The following MRPS21 variants were observed in gnomAD, a reference collection of about 807,000 sequenced individuals.
MRPS21 encodes small ribosomal subunit protein bS21m.
A neutral mutation model predicts 9.9 loss-of-function variants in MRPS21; 8 were observed. The ratio of observed to expected loss-of-function variants is 0.81; its 90% CI spans 0.47 to 1.45. MRPS21 has a LOEUF of 1.45. Among genes scored for constraint, MRPS21 ranks in the 40% most tolerant of loss-of-function variants. The pLI, the probability that MRPS21 is intolerant of heterozygous loss-of-function variation, is 0.00. For synonymous variants in MRPS21, 40 were observed against 40.3 expected, an observed-to-expected ratio of 0.99 and a Z score of 0.03; for missense variants, 101 against 118.9, an observed-to-expected ratio of 0.85 and a Z score of 0.70.
rs587699640 is a variant in MRPS21 at position 150,299,579 on chromosome 1, C to A, written c.83+5130C>A. ...AAGTGATTCTCCTGCCTCAGCCCCCCGTGTAGCTGGGATTACAGGCACTTG... is the reference window on the plus strand; with the variant it reads ...AAGTGATTCTCCTGCCTCAGCCCCCAGTGTAGCTGGGATTACAGGCACTTG... On this transcript the variant is annotated intron_variant, in intron 2 of 2. Coordinates refer to ENST00000614145, the MANE Select transcript of MRPS21 (RefSeq NM_031901.6). Among the ~76,000 whole-genome samples the A allele has an allele frequency of 1.1e-3, 163 of 152,214 alleles. 9 individuals are homozygous for A. The South Asian group carries it at 0.034, about 31-fold the overall frequency.
chr1:150,305,560 TA>T (rs1314500205), intron 2 of MRPS21, among the ~76,000 whole-genome samples: 3 of 152,106 alleles, frequency 2.0e-5, no homozygotes, highest in African/African-American at 7.2e-5. Flanking sequence ...TGCATATACT[TA>T]AGTGTGACTA....
intron 1 of MRPS21, 185 bp downstream of exon 1, chr1:150,294,083 C>T (rs1233637047): frequency 1.4e-5 from 5 of 369,888 alleles, no homozygotes; most frequent in African/African-American, 1.0e-4. Context: ...GTGTCCTTCT[C>T]ATGCCCGGCG....
intron 2 of MRPS21, among the ~76,000 whole-genome samples, chr1:150,305,814 C>T (rs1451434662): frequency 6.6e-6 from 1 of 151,914 alleles, no homozygotes; most frequent in Non-Finnish European, 1.5e-5. Flanking sequence ...AGGCTTGTCT[C>T]GAACTCCTGA....
At chr1:150,295,288 G>A (rs587735381) in intron 2 of MRPS21, among the ~76,000 whole-genome samples, 1 of 152,086 alleles carries the variant, frequency 6.6e-6, no homozygotes, top group African/African-American at 2.4e-5. Context: ...AAGCCACAGC[G>A]CCCGGCCCCG....
At chr1:150,303,367 A>G (rs936509062) in intron 2 of MRPS21, among the ~76,000 whole-genome samples, 3 of 152,174 alleles carry the variant, frequency 2.0e-5, no homozygotes, top group African/African-American at 7.2e-5. Context: ...AGCAACCTTC[A>G]TTAGACAGTA....
At chr1:150,306,557 G>A (rs1422773467) in intron 2 of MRPS21, among the ~76,000 whole-genome samples, 3 of 152,070 alleles carry the variant, frequency 2.0e-5, no homozygotes, top group South Asian at 2.1e-4. Flanking sequence ...GTGCAGTGGC[G>A]CAACCTTGGC....
intron 2 of MRPS21, chr1:150,303,810 T>A (rs1654226737): frequency 6.8e-6 from 3 of 439,156 alleles, no homozygotes; most frequent in East Asian, 1.4e-4. Context: ...ATATCCCCAA[T>A]AACTGTATAT....
intron 2 of MRPS21, chr1:150,305,100 G>T: frequency 3.7e-6 from 1 of 269,212 alleles, no homozygotes; most frequent in Non-Finnish European, 7.4e-6. Context: ...CACAATCATG[G>T]CTCACTGCAG....
Position 150,308,308 on chromosome 1 carries a change from T to G in MRPS21, c.*80T>G. 1 of 1,403,946 alleles carries G rather than the reference T, an allele frequency of 7.1e-7. No individual in the cohort carries two copies. The highest frequency in any genetic ancestry group is 9.7e-7 in the Non-Finnish European group (1 of 1,035,170). 87.0% of individuals were successfully genotyped at this position (1,403,946 alleles called of 1,614,324 possible). A position where few individuals can be genotyped will look rare whatever the true frequency, so the allele number is the denominator to read the frequency against. ...CTTTTCTTTGTACAATCCCATTTCC[T>G]ATTACCATTCTCTGCAATAAACTCA... On this transcript the variant is annotated 3_prime_UTR_variant, in exon 3 of 3. Transcript: ENST00000614145.
intron 2 of MRPS21, among the ~76,000 whole-genome samples, chr1:150,302,543 C>T (rs1654181612): frequency 6.6e-6 from 1 of 152,150 alleles, no homozygotes. Context: ...GCCACCCGCA[C>T]CTCCCCCCGC....
At chr1:150,302,254 C>T (rs782734899) in intron 2 of MRPS21, among the ~76,000 whole-genome samples, 1 of 152,120 alleles carries the variant, frequency 6.6e-6, no homozygotes, top group African/African-American at 2.4e-5. Flanking sequence ...GAGAGTCTTA[C>T]AAAGGAAATA....
chr1:150,296,825 G>A (rs1187834795), intron 2 of MRPS21, among the ~76,000 whole-genome samples: 1 of 152,020 alleles, frequency 6.6e-6, no homozygotes, highest in Non-Finnish European at 1.5e-5. Flanking sequence ...TCCTTGTCTT[G>A]TCATTTCAGC....
chr1:150,305,010 G>T (rs1050413694), intron 2 of MRPS21: 1 of 401,074 alleles, frequency 2.5e-6, no homozygotes, highest in Non-Finnish European at 4.9e-6. Context: ...TTGCACTCCA[G>T]CCTGGGCAAC....
intron 2 of MRPS21, among the ~76,000 whole-genome samples, chr1:150,307,348 C>CTTTTTTTTTTTTTT (rs1572154026): frequency 4.6e-5 from 4 of 87,552 alleles, no homozygotes; most frequent in African/African-American, 1.3e-4. Context: ...GTGCCCAGTC[C>CTTTTTTTTTTTTTT]TTTTTTTTTT....
chr1:150,301,795 T>G (rs980749255), intron 2 of MRPS21, among the ~76,000 whole-genome samples: 7 of 151,960 alleles, frequency 4.6e-5, no homozygotes, highest in Non-Finnish European at 8.8e-5. Flanking sequence ...GAGACGGGGT[T>G]TCACGATGTT....
chr1:150,296,207 C>G (rs1446818481), intron 2 of MRPS21, among the ~76,000 whole-genome samples: 1 of 152,194 alleles, frequency 6.6e-6, no homozygotes, highest in African/African-American at 2.4e-5. Context: ...CTTGGCCTCC[C>G]AAAGTGCTGG....
intron 2 of MRPS21, among the ~76,000 whole-genome samples, chr1:150,300,876 C>G (rs1654089369): frequency 1.3e-5 from 2 of 152,002 alleles, no homozygotes; most frequent in Non-Finnish European, 2.9e-5. Flanking sequence ...ATATTCTTTT[C>G]TTTTTAAGAA....
At chr1:150,299,958 A>G (rs140849903) in intron 2 of MRPS21, among the ~76,000 whole-genome samples, 8 of 152,274 alleles carry the variant, frequency 5.3e-5, no homozygotes, top group African/African-American at 1.9e-4. Flanking sequence ...TCTGAGATGA[A>G]TCAGAATCTC....
At chr1:150,303,066 T>A (rs1654205625) in intron 2 of MRPS21, among the ~76,000 whole-genome samples, 1 of 152,220 alleles carries the variant, frequency 6.6e-6, no homozygotes, top group Non-Finnish European at 1.5e-5. Context: ...TACAGGCATT[T>A]CCTTGGTAAG....
Sources: gnomAD v4.1 joint callset for allele counts (sites outside exome capture counted in the v4.1 genomes callset) on GRCh38, gnomAD v4.1.1 for gene constraint, MANE v1.5 for transcripts, NCBI Gene and HGNC (gene_info 2026-07-23, HGNC 2026-07-21) for gene names.